The following SLC30A8 variants were observed in gnomAD, a reference collection of about 807,000 sequenced individuals.
SLC30A8 encodes the protein solute carrier family 30 member 8.
SLC30A8 carries 27 observed loss-of-function variants against 36.9 expected under a neutral mutation model. The ratio of observed to expected loss-of-function variants is 0.73; its 90% CI spans 0.54 to 1.01. The LOEUF is 1.01. Among genes scored for constraint, SLC30A8 ranks in the 50% least tolerant of loss-of-function variants. The pLI is 0.00. For missense variants in SLC30A8, 439 were observed against 452.0 expected (o/e 0.97, Z 0.26); for synonymous variants, 164 against 172.4 (o/e 0.95, Z 0.38).
chr8:116,952,053 G>T (rs1814013196), intron 1 of SLC30A8, among the ~76,000 whole-genome samples: 1 of 152,184 alleles, frequency 6.6e-6, no homozygotes, highest in African/African-American at 2.4e-5. Context: ...GCATAGCCAA[G>T]AGAAGGTTGG....
intron 1 of SLC30A8, among the ~76,000 whole-genome samples, chr8:116,997,491 A>G (rs538053287): frequency 6.7e-6 from 1 of 149,774 alleles, no homozygotes; most frequent in African/African-American, 2.5e-5. Flanking sequence ...CTATTAGAAA[A>G]TTAAATCAGT....
At chr8:117,006,684 A>T (rs1255135499) in intron 1 of SLC30A8, among the ~76,000 whole-genome samples, 1 of 151,506 alleles carries the variant, frequency 6.6e-6, no homozygotes, top group African/African-American at 2.4e-5. Flanking sequence ...TGGAATGAAT[A>T]TCTCTAGTGT....
At chr8:117,061,079 A>C (rs1324622179) in intron 2 of SLC30A8, among the ~76,000 whole-genome samples, 6 of 152,208 alleles carry the variant, frequency 3.9e-5, no homozygotes, top group Non-Finnish European at 8.8e-5. Flanking sequence ...ACAGAAAACG[A>C]GTATTGTTTT....
At chr8:117,012,217 A>T (rs1170406759) in intron 1 of SLC30A8, among the ~76,000 whole-genome samples, 1 of 152,178 alleles carries the variant, frequency 6.6e-6, no homozygotes, top group Non-Finnish European at 1.5e-5. Flanking sequence ...AGATAGGTAA[A>T]CAATACAGAG....
chr8:117,040,710 G>A (rs927353042), intron 2 of SLC30A8, among the ~76,000 whole-genome samples: 5 of 152,084 alleles, frequency 3.3e-5, no homozygotes, highest in Non-Finnish European at 7.4e-5. Context: ...TTTAATGAAG[G>A]CAAGCGTAAG....
chr8:116,999,266 G>GA (rs1438684400), intron 1 of SLC30A8, among the ~76,000 whole-genome samples: 2 of 151,922 alleles, frequency 1.3e-5, no homozygotes, highest in African/African-American at 4.8e-5. Flanking sequence ...CTCAAAAAGA[G>GA]AAAAAAAGAA....
chr8:116,993,272 AT>A (rs770364718), intron 1 of SLC30A8, among the ~76,000 whole-genome samples: 1 of 151,188 alleles, frequency 6.6e-6, no homozygotes, highest in Non-Finnish European at 1.5e-5. Flanking sequence ...ACCCTAAAAA[AT>A]TTTACCCAGG....
rs528650121 is a variant in SLC30A8 at position 116,965,884 on chromosome 8, ATTTTTTT to A, written c.-266+14775_-266+14781del. On this transcript the variant is annotated intron_variant, in intron 1 of 10. Transcript: ENST00000427715. ...CTAACAATATTTTTAATTTTTTTTAATTTTTTTTTTTTTTTTGGAGATGGAGTCTTGC... is the reference window on the plus strand; with the variant it reads ...CTAACAATATTTTTAATTTTTTTTAATTTTTTTTTGGAGATGGAGTCTTGC... Among the ~76,000 whole-genome samples the A allele has an allele frequency of 1.8e-4, 25 of 138,892 alleles. No individual in the cohort carries two copies. The South Asian group carries it at 5.4e-3, about 30-fold the overall frequency. The allele number at this position is 138,892 out of a possible 152,430, so 91.1% of individuals were successfully genotyped here. A position where few individuals can be genotyped will look rare whatever the true frequency, so the allele number is the denominator to read the frequency against.
chr8:117,127,788 C>T (rs1341704920), intron 2 of SLC30A8, among the ~76,000 whole-genome samples: 2 of 151,980 alleles, frequency 1.3e-5, no homozygotes, highest in Non-Finnish European at 2.9e-5. Context: ...CTGAAGGTAA[C>T]TGGCCTGGAG....
intron 2 of SLC30A8, among the ~76,000 whole-genome samples, chr8:117,046,824 A>G (rs757156120): frequency 2.0e-5 from 3 of 152,208 alleles, no homozygotes; most frequent in Non-Finnish European, 4.4e-5. Context: ...ATGCCTTCCC[A>G]TGACTTTAGC....
At chr8:117,161,488 G>A (rs990797009) in intron 4 of SLC30A8, among the ~76,000 whole-genome samples, 2 of 152,152 alleles carry the variant, frequency 1.3e-5, no homozygotes, top group African/African-American at 4.8e-5. Flanking sequence ...GTTTCAACAT[G>A]AAACAGATAA....
intron 5 of SLC30A8, 75 bp from the exon 6 acceptor site, chr8:117,163,350 A>T: frequency 8.7e-7 from 1 of 1,143,512 alleles, no homozygotes; most frequent in Non-Finnish European, 1.3e-6. Context: ...AGGGAGGTTT[A>T]CTTATTTTAT....
intron 1 of SLC30A8, among the ~76,000 whole-genome samples, chr8:117,012,244 T>A (rs946943222): frequency 6.6e-6 from 1 of 152,156 alleles, no homozygotes; most frequent in African/African-American, 2.4e-5. Context: ...TCCTGAAAGT[T>A]CTTTTACTTC....
intron 2 of SLC30A8, among the ~76,000 whole-genome samples, chr8:117,088,026 G>A (rs1417900412): frequency 6.6e-6 from 1 of 151,886 alleles, no homozygotes; most frequent in Admixed American, 6.6e-5. Flanking sequence ...AGGAAAAAAG[G>A]ATGATTGAAT....
chr8:117,101,960 G>A (rs1667877271), intron 2 of SLC30A8, among the ~76,000 whole-genome samples: 1 of 151,978 alleles, frequency 6.6e-6, no homozygotes, highest in Admixed American at 6.6e-5. Context: ...CATTAGTTCT[G>A]TCCCTCTAGA....
chr8:117,157,773 G>C lies in SLC30A8; in HGVS notation c.501G>C (p.Leu167=), dbSNP rs560531972. The C allele has an allele frequency of 1.2e-6, 2 of 1,614,124 alleles. No individual in the cohort carries two copies. Among genetic ancestry groups the C allele is most frequent in the Admixed American group, 1.7e-5 (1 of 60,024 alleles). The change falls in exon 4 of 8, where the codon CTG becomes CTC. Residue 167 remains leucine (L), a synonymous_variant. Transcript: ENST00000456015. The part of the protein sequence containing the change: ...VLVYLACERL[L]YPDYQIQATV... ...TGTACCTGGCATGTGAGCGCCTGCT[G>C]TATCCTGATTACCAGATCCAGGCGA...
intron 6 of SLC30A8, among the ~76,000 whole-genome samples, chr8:117,167,494 C>T (rs4876705): frequency 0.16 from 20,649 of 133,046 alleles, 2,025 homozygotes; most frequent in East Asian, 0.25. Flanking sequence ...TATATATATA[C>T]ATACATACAT....
chr8:116,972,412 C>G (rs1356172221), intron 1 of SLC30A8, among the ~76,000 whole-genome samples: 3 of 152,158 alleles, frequency 2.0e-5, no homozygotes, highest in African/African-American at 7.2e-5. Context: ...AAGTGACTAA[C>G]CGTGGAGGAA....
At chr8:117,048,258 T>G (rs778021694) in intron 2 of SLC30A8, among the ~76,000 whole-genome samples, 77 of 152,220 alleles carry the variant, frequency 5.1e-4, no homozygotes, top group Non-Finnish European at 8.8e-4. Flanking sequence ...ATGGCATGTG[T>G]TCAGTGGGAC....
Sources: allele counts gnomAD v4.1 joint callset (sites outside exome capture counted in the v4.1 genomes callset), GRCh38; gene constraint gnomAD v4.1.1; transcripts MANE v1.5; gene names NCBI Gene and HGNC (gene_info 2026-07-23, HGNC 2026-07-21).